PTGR1: variants seen among roughly 807,000 people sequenced by gnomAD.
PTGR1 encodes the protein prostaglandin reductase 1.
A neutral mutation model predicts 37.7 loss-of-function variants in PTGR1; 23 were observed. That is an observed-to-expected ratio of 0.61 (90% CI 0.44 to 0.86). The LOEUF (loss-of-function observed/expected upper bound fraction) is 0.86, where lower values mean the gene tolerates loss of function less well. Among genes scored for constraint, PTGR1 ranks in the 40% least tolerant of loss-of-function variants. The pLI is 0.00. For synonymous variants in PTGR1, 134 were observed against 140.0 expected, an observed-to-expected ratio of 0.96 and a Z score of 0.30; for missense variants, 351 against 394.3, an observed-to-expected ratio of 0.89 and a Z score of 0.93.
downstream of PTGR1, among the ~76,000 whole-genome samples, chr9:111,561,490 C>G (rs917066344): frequency 6.6e-6 from 1 of 152,072 alleles, no homozygotes; most frequent in African/African-American, 2.4e-5. Flanking sequence ...GTCTCAAACT[C>G]CTGGACTCAA....
rs1828384664 is a variant in PTGR1 at position 111,563,136 on chromosome 9, T to A, written c.975A>T (p.Thr325=). 1.2e-6 allele frequency: 2 copies of A among 1,613,888 alleles called. No individual in the cohort carries two copies. The change falls in exon 10 of 10, where the codon ACA becomes ACT. Residue 325 remains threonine (T), a synonymous_variant. Coordinates refer to ENST00000407693, the MANE Select transcript of PTGR1 (RefSeq NM_001146108.2). ...GTCCTCTTTTTCATGCTTTCACTAT[T>A]GTCTTCCCCAAATTATCTCCTTTCA... ...GMLKGDNLGK[T]IVKA
chr9:111,571,636 C>T (rs1452849064), intron 8 of PTGR1, among the ~76,000 whole-genome samples: 1 of 150,578 alleles, frequency 6.6e-6, no homozygotes, highest in Non-Finnish European at 1.5e-5. Context: ...TGCCACCACA[C>T]CTGGCTAATT....
intron 9 of PTGR1, among the ~76,000 whole-genome samples, chr9:111,568,671 G>T (rs1163509593): frequency 6.6e-6 from 1 of 152,190 alleles, no homozygotes; most frequent in African/African-American, 2.4e-5. Flanking sequence ...TTGTGGCTCA[G>T]GTGGGTATCA....
Position 111,578,850 on chromosome 9 carries a change from C to T in PTGR1, c.597G>A (p.Leu199=). The stretch of plus-strand genomic sequence containing the variant: ...GAGACGCTTTCTTCAAGGTTTCTTC[C>T]AAAGACTCTACCGTCTTGTAGTTAA... ...VVFNYKTVES[L]EETLKKASPD... is the part of the protein sequence containing the mutation. Residue 199 remains leucine (L), a synonymous_variant, in exon 7 of 10, where the codon TTG becomes TTA. Transcript: ENST00000407693. 2 of 1,611,772 alleles carry T rather than the reference C, an allele frequency of 1.2e-6. No homozygotes were observed. The highest frequency in any genetic ancestry group is 4.5e-5 in the East Asian group (2 of 44,850).
chr9:111,572,542 ATCGT>A (rs1263645976), intron 8 of PTGR1, among the ~76,000 whole-genome samples: 2 of 152,142 alleles, frequency 1.3e-5, no homozygotes, highest in Non-Finnish European at 2.9e-5. Context: ...GTGAGCCGAG[ATCGT>A]GCCATTGCAC....
downstream of PTGR1, among the ~76,000 whole-genome samples, chr9:111,560,771 A>G (rs1034021557): frequency 3.4e-5 from 5 of 147,180 alleles, no homozygotes; most frequent in African/African-American, 1.3e-4. Flanking sequence ...GTGAAACCCT[A>G]TCTCTACTAA....
Position 111,585,987 on chromosome 9 carries a change from ATGAAACTCACCC to A in PTGR1, c.376_377+10del, listed in dbSNP as rs755229089. 12 of 1,613,858 alleles carry A rather than the reference ATGAAACTCACCC, an allele frequency of 7.4e-6. No individual in the cohort carries two copies. The highest frequency in any genetic ancestry group is 1.0e-5 in the Non-Finnish European group (12 of 1,179,818). ...ACATTCAAACAAATGGAATATATCC[ATGAAACTCACCC>A]TGGCATGCCAACTGTCCCCAGAGCC... On this transcript the variant is annotated splice_donor_variant and splice_donor_5th_base_variant and coding_sequence_variant and intron_variant, in exon 5 of 10. Coordinates refer to ENST00000407693, the MANE Select transcript of PTGR1 (RefSeq NM_001146108.2). LOFTEE classifies it high-confidence loss of function.
chr9:111,588,257 C>T (rs6477827), intron 4 of PTGR1, among the ~76,000 whole-genome samples: 56,425 of 149,082 alleles, frequency 0.38, 11,424 homozygotes, highest in African/African-American at 0.52. Flanking sequence ...AGCACAGTGG[C>T]GTGATCTCAG....
At chr9:111,561,969 TCTGCCTCCTGGGCTCAAGCGATTTTC>T (rs1828336994), downstream of PTGR1, among the ~76,000 whole-genome samples, 1 of 152,190 alleles carries the variant, frequency 6.6e-6, no homozygotes, top group Admixed American at 6.5e-5. Context: ...CACTGCAACG[TCTGCCTCCTGGGCTCAAGCGATTTTC>T]CTGCCTCAGC....
chr9:111,561,102 T>TAGAGAGAGAGAGAG (rs1448011286), downstream of PTGR1, among the ~76,000 whole-genome samples: 10 of 29,350 alleles, frequency 3.4e-4, no homozygotes, highest in Non-Finnish European at 5.5e-4. Flanking sequence ...TATATATATA[T>TAGAGAGAGAGAGAG]ATATATATAG....
chr9:111,589,795 C>T (rs547069864), intron 4 of PTGR1, among the ~76,000 whole-genome samples: 49 of 151,962 alleles, frequency 3.2e-4, no homozygotes, highest in African/African-American at 1.2e-3. Context: ...CCACTGTGCC[C>T]AGCTAATTTT....
intron 7 of PTGR1, chr9:111,576,684 A>G (rs1014982536): frequency 5.8e-6 from 2 of 347,368 alleles, no homozygotes; most frequent in Admixed American, 9.0e-5. Context: ...AAACATGTAC[A>G]TATTTCCCCT....
intron 2 of PTGR1, among the ~76,000 whole-genome samples, chr9:111,595,230 G>C (rs1304792122): frequency 1.3e-5 from 2 of 152,056 alleles, no homozygotes; most frequent in Non-Finnish European, 2.9e-5. Context: ...TTCTATCGCA[G>C]AGACAAGAAG....
In PTGR1 at chr9:111,574,759, A is replaced by G. The variant is rs1282135976; in HGVS notation, c.735T>C (p.Tyr245=). ...CTGGGGGAAGTGGGCCGGTTCTGTT[A>G]TATGTAGAGATGGCTCCACATATGG... The part of the protein sequence containing the change: ...RIAICGAIST[Y]NRTGPLPPGP... The change falls in exon 8 of 10, where the codon TAT becomes TAC. Residue 245 remains tyrosine, a synonymous_variant. Transcript: ENST00000407693. The G allele has an allele frequency of 1.2e-6, 2 of 1,613,720 alleles. No homozygotes were observed. Among genetic ancestry groups the G allele is most frequent in the African/African-American group, 1.3e-5 (1 of 74,886 alleles).
chr9:111,571,221 G>A, intron 8 of PTGR1, among the ~76,000 whole-genome samples: 1 of 149,312 alleles, frequency 6.7e-6, no homozygotes, highest in East Asian at 2.1e-4. Flanking sequence ...AGAGCAGCCT[G>A]GCCAACATGG....
At chr9:111,549,723 A>G (rs1461053157) in exon 10 of PTGR1, 2 of 1,548,114 alleles carry the variant, frequency 1.3e-6, no homozygotes, top group South Asian at 1.2e-5. Flanking sequence ...CTTGCCTTCT[A>G]AGGTAATGGT....
chr9:111,599,295 C>T (rs530859638), intron 1 of PTGR1: 1 of 152,466 alleles, frequency 6.6e-6, no homozygotes, highest in South Asian at 2.1e-4. Flanking sequence ...TTGTGCAGTC[C>T]AGCAAGTTCC....
intron 7 of PTGR1, 51 bp downstream of exon 7, chr9:111,578,745 T>C: frequency 6.6e-7 from 1 of 1,510,958 alleles, no homozygotes; most frequent in Non-Finnish European, 9.0e-7. Flanking sequence ...GACTCCTGCT[T>C]TATATAGTAC....
At position 111,573,710 on chromosome 9, in the gene PTGR1, G is replaced by C. The variant is rs570177121; in HGVS notation, c.760+1024C>G. Among the ~76,000 whole-genome samples, 202 of 152,250 alleles carry C rather than the reference G, an allele frequency of 1.3e-3. 1 individual carries two copies. The highest frequency in any genetic ancestry group is 4.8e-3 in the African/African-American group (200 of 41,538). On this transcript the variant is annotated intron_variant, in intron 8 of 9. Coordinates refer to ENST00000407693, the MANE Select transcript of PTGR1 (RefSeq NM_001146108.2). Reference sequence around the variant, plus strand: ...GAGTCTGTTGCCAATAGGAGTTAAAGAGTCTCTGGTCCTCTTGGCCATTCC... The same window carrying C: ...GAGTCTGTTGCCAATAGGAGTTAAACAGTCTCTGGTCCTCTTGGCCATTCC...
Sources: gnomAD v4.1 joint callset for allele counts (sites outside exome capture counted in the v4.1 genomes callset) on GRCh38, gnomAD v4.1.1 for gene constraint, MANE v1.5 for transcripts, NCBI Gene and HGNC (gene_info 2026-07-23, HGNC 2026-07-21) for gene names.